NRXN1: variants seen among roughly 807,000 people sequenced by gnomAD.
NRXN1 encodes the protein neurexin-1.
A neutral mutation model predicts 150.9 loss-of-function variants in NRXN1; 39 were observed. The observed-to-expected ratio is 0.26, with a 90% CI of 0.20 to 0.34. NRXN1 has a LOEUF of 0.34. Among genes scored for constraint, NRXN1 ranks in the 10% least tolerant of loss-of-function variants. The probability of loss-of-function intolerance (pLI) is 1.00; values close to 1 mark genes in which losing one functional copy is unlikely to be tolerated. For synonymous variants in NRXN1, 924 were observed against 757.0 expected (o/e 1.22, Z -3.62); for missense variants, 1,815 against 1,949.9 (o/e 0.93, Z 1.30).
intron 17 of NRXN1, among the ~76,000 whole-genome samples, chr2:50,287,762 G>T (rs908088617): frequency 3.3e-5 from 5 of 152,108 alleles, no homozygotes; most frequent in African/African-American, 1.2e-4. Flanking sequence ...TTAGTTGCTT[G>T]CTGATAAGAA....
intron 17 of NRXN1, among the ~76,000 whole-genome samples, chr2:50,293,771 G>A (rs2073237244): frequency 6.6e-6 from 1 of 152,150 alleles, no homozygotes. Context: ...CTGGAGGCAG[G>A]GGGAGATAGT....
intron 17 of NRXN1, among the ~76,000 whole-genome samples, chr2:50,253,096 G>A (rs1193420373): frequency 6.6e-6 from 1 of 152,068 alleles, no homozygotes; most frequent in African/African-American, 2.4e-5. Flanking sequence ...TTGAGCAATG[G>A]TTTGTAGTTC....
chr2:49,959,889 C>T (rs1352924176), intron 21 of NRXN1, among the ~76,000 whole-genome samples: 3 of 152,176 alleles, frequency 2.0e-5, no homozygotes, highest in Non-Finnish European at 2.9e-5. Flanking sequence ...GGTAGACAAT[C>T]CACTTTTGTC....
chr2:51,027,410 A>AAGATT, intron 2 of NRXN1, 92 bp downstream of exon 2: 1 of 1,319,682 alleles, frequency 7.6e-7, no homozygotes, highest in Admixed American at 3.1e-5. Flanking sequence ...CACGTTTGCC[A>AAGATT]AGATTAGGAA....
intron 18 of NRXN1, among the ~76,000 whole-genome samples, chr2:50,191,314 A>C (rs540493309): frequency 5.3e-5 from 8 of 152,096 alleles, no homozygotes; most frequent in Non-Finnish European, 8.8e-5. Context: ...TTTTGGGAAC[A>C]CAGGTGTGAG....
chr2:50,433,664 T>A (rs2085170773), intron 17 of NRXN1, among the ~76,000 whole-genome samples: 20 of 104,530 alleles, frequency 1.9e-4, no homozygotes, highest in African/African-American at 3.5e-4. Flanking sequence ...AAGAGAAACA[T>A]AAAAGAGAGA....
At chr2:50,917,164 A>G (rs1685326702) in intron 5 of NRXN1, 1 of 151,654 alleles carries the variant, frequency 6.6e-6, no homozygotes, top group Non-Finnish European at 1.5e-5. Context: ...CTTACTTCTT[A>G]GTTTGTATAT....
chr2:49,931,128 A>G (rs1670057376), intron 22 of NRXN1, among the ~76,000 whole-genome samples: 1 of 152,180 alleles, frequency 6.6e-6, no homozygotes, highest in African/African-American at 2.4e-5. Context: ...CAAGAAAGTG[A>G]GAGACCTTTG....
intron 10 of NRXN1, among the ~76,000 whole-genome samples, chr2:50,531,960 C>T (rs1164193120): frequency 6.6e-6 from 1 of 152,104 alleles, no homozygotes; most frequent in African/African-American, 2.4e-5. Context: ...ATCTTTCCAC[C>T]TCAACCTCCT....
chr2:50,843,306 A>T (rs9309204), intron 5 of NRXN1, among the ~76,000 whole-genome samples: 150,166 of 152,322 alleles, frequency 0.99, 74,033 homozygotes, highest in East Asian at 1. Flanking sequence ...GAAAATCTCA[A>T]GAATTTAAAC....
chr2:49,955,098 C>A (rs749528127), intron 21 of NRXN1, among the ~76,000 whole-genome samples: 1 of 152,216 alleles, frequency 6.6e-6, no homozygotes, highest in Non-Finnish European at 1.5e-5. Context: ...ATACATGACA[C>A]TTGAATTTAC....
At chr2:50,100,052 G>T (rs1369752677) in intron 18 of NRXN1, among the ~76,000 whole-genome samples, 1 of 152,070 alleles carries the variant, frequency 6.6e-6, no homozygotes, top group African/African-American at 2.4e-5. Context: ...AGGTGCCTAA[G>T]TTTGAATTTG....
At chr2:50,006,935 T>C (rs1684866194) in intron 21 of NRXN1, among the ~76,000 whole-genome samples, 1 of 152,134 alleles carries the variant, frequency 6.6e-6, no homozygotes, top group African/African-American at 2.4e-5. Context: ...TGAAAAATAT[T>C]TGAAGAGAGG....
At chr2:50,376,934 TTTTC>T (rs1174223482) in intron 17 of NRXN1, among the ~76,000 whole-genome samples, 10 of 149,602 alleles carry the variant, frequency 6.7e-5, no homozygotes, top group East Asian at 6.1e-4. Flanking sequence ...CCCAAATTCT[TTTTC>T]TTTCTTTCTT....
At chr2:50,108,521 G>C (rs765171759) in intron 18 of NRXN1, among the ~76,000 whole-genome samples, 11 of 151,994 alleles carry the variant, frequency 7.2e-5, no homozygotes, top group Non-Finnish European at 1.3e-4. Flanking sequence ...TAAAGTGTAT[G>C]TCAAAAACTC....
chr2:50,130,796 G>C (rs1705352918), intron 18 of NRXN1, among the ~76,000 whole-genome samples: 1 of 152,190 alleles, frequency 6.6e-6, no homozygotes, highest in Non-Finnish European at 1.5e-5. Context: ...ATCTGCTGAA[G>C]TAGTTCGGAA....
chr2:50,726,424 C>T (rs1317559986), intron 5 of NRXN1, among the ~76,000 whole-genome samples: 1 of 152,120 alleles, frequency 6.6e-6, no homozygotes, highest in Non-Finnish European at 1.5e-5. Context: ...GGCACACATA[C>T]CTTATCATAA....
In NRXN1 at chr2:50,211,958, C is replaced by T. The variant is rs112566100; in HGVS notation, c.3546+24831G>A. ...TACACAAATCTTGCATTTCCTTTGG[C>T]TCATTCATGGGAGCAAATCAATATG... On this transcript the variant is annotated intron_variant, in intron 18 of 22. Transcript: ENST00000401669. 2.7e-3 allele frequency among the ~76,000 whole-genome samples: 414 copies of T among 151,664 alleles called. 2 individuals carry two copies. Among genetic ancestry groups the T allele is most frequent in the African/African-American group, 9.5e-3 (394 of 41,448 alleles).
chr2:50,782,551 T>A (rs1704500737), intron 5 of NRXN1, among the ~76,000 whole-genome samples: 1 of 152,160 alleles, frequency 6.6e-6, no homozygotes, highest in Non-Finnish European at 1.5e-5. Context: ...AACTTCTTTA[T>A]TTCTATACTT....
Sources: allele counts gnomAD v4.1 joint callset (sites outside exome capture counted in the v4.1 genomes callset), GRCh38; gene constraint gnomAD v4.1.1; transcripts MANE v1.5; gene names NCBI Gene and HGNC (gene_info 2026-07-23, HGNC 2026-07-21).